GLIS1: variants seen among roughly 807,000 people sequenced by gnomAD.
GLIS1 encodes the protein zinc finger protein GLIS1.
A neutral mutation model predicts 63.8 loss-of-function variants in GLIS1; 24 were observed. The observed-to-expected ratio is 0.38, with a 90% CI of 0.27 to 0.53. GLIS1 has a LOEUF of 0.53. GLIS1 is among the 20% of genes least tolerant of loss of function. The probability of loss-of-function intolerance (pLI) is 0.85; values close to 1 mark genes in which losing one functional copy is unlikely to be tolerated. For missense variants in GLIS1, 1,036 were observed against 1,074.1 expected (o/e 0.96, Z 0.50); for synonymous variants, 450 against 482.5 (o/e 0.93, Z 0.88).
At chr1:53,673,862 A>G (rs768394485) in intron 2 of GLIS1, among the ~76,000 whole-genome samples, 4 of 152,194 alleles carry the variant, frequency 2.6e-5, no homozygotes, top group Non-Finnish European at 4.4e-5. Context: ...CTGACTCCTC[A>G]TCAGGGTTAT....
At chr1:53,528,344 C>A (rs539883769) in intron 5 of GLIS1, among the ~76,000 whole-genome samples, 1 of 152,312 alleles carries the variant, frequency 6.6e-6, no homozygotes, top group East Asian at 1.9e-4. Context: ...ATCAGCTCTT[C>A]CAGCAGAGAG....
rs1160261960 is a variant in GLIS1 at position 53,511,530 on chromosome 1, A to AG, written c.1884-1504dup. Among the ~76,000 whole-genome samples, 4 of 152,316 alleles carry AG rather than the reference A, an allele frequency of 2.6e-5. No individual in the cohort carries two copies. The highest frequency in any genetic ancestry group is 3.4e-3 in the Middle Eastern group (1 of 294). Reference sequence around the variant, plus strand: ...CTGTGAGCTCGCTGAGGACAGGGGAAGCAGGGCCTCGGTGCTGGGTCCCTG... The same window carrying AG: ...CTGTGAGCTCGCTGAGGACAGGGGAAGGCAGGGCCTCGGTGCTGGGTCCCTG... On this transcript the variant is annotated intron_variant, in intron 8 of 10. Coordinates refer to ENST00000628545, the MANE Select transcript of GLIS1 (RefSeq NM_001367484.1). This position sits in a 1 kb window ranked among gnomAD's most constrained non-coding sequence, Gnocchi z 4.2.
chr1:53,626,725 T>C (rs12565781), intron 2 of GLIS1, among the ~76,000 whole-genome samples: 4 of 152,216 alleles, frequency 2.6e-5, no homozygotes, highest in Non-Finnish European at 5.9e-5. Context: ...GCTTCAGTGA[T>C]GCCCTCAGTG....
At chr1:53,687,623 G>A (rs1200901578) in intron 2 of GLIS1, among the ~76,000 whole-genome samples, 1 of 152,140 alleles carries the variant, frequency 6.6e-6, no homozygotes, top group Non-Finnish European at 1.5e-5. Flanking sequence ...CATGCAATGG[G>A]TCCCCCCAGC....
intron 2 of GLIS1, among the ~76,000 whole-genome samples, chr1:53,645,000 C>A (rs1183791907): frequency 2.6e-5 from 4 of 152,218 alleles, no homozygotes; most frequent in Non-Finnish European, 4.4e-5. Flanking sequence ...TCACTATTAT[C>A]TCTCCTCAGT....
At chr1:53,611,075 A>G (rs370862627) in intron 2 of GLIS1, among the ~76,000 whole-genome samples, 11 of 152,104 alleles carry the variant, frequency 7.2e-5, no homozygotes, top group African/African-American at 2.4e-4. Context: ...TGAACATATT[A>G]ATGTTATGAA....
intron 2 of GLIS1, among the ~76,000 whole-genome samples, chr1:53,689,590 C>G (rs1017682622): frequency 5.3e-5 from 8 of 152,124 alleles, no homozygotes; most frequent in Non-Finnish European, 1.2e-4. Flanking sequence ...GGCAAGCGCT[C>G]AAGAGGTCTT....
At chr1:53,564,451 C>A (rs940773841) in intron 4 of GLIS1, among the ~76,000 whole-genome samples, 1 of 152,002 alleles carries the variant, frequency 6.6e-6, no homozygotes, top group Non-Finnish European at 1.5e-5. Flanking sequence ...AAGTAGAAAG[C>A]AAAATGTAAG....
chr1:53,728,888 G>A lies in GLIS1; in HGVS notation c.259+8918C>T, dbSNP rs1646831254. Among the ~76,000 whole-genome samples the A allele has an allele frequency of 2.0e-5, 3 of 152,324 alleles. No homozygotes were observed. The South Asian group carries it at 6.2e-4, about 32-fold the overall frequency. ...GGGCTCAGATTTTTCCCATTGGCCA[G>A]CTGGCTGTCAATCTACATGCCAAGT... On this transcript the variant is annotated intron_variant, in intron 2 of 10. Transcript: ENST00000628545.
chr1:53,633,356 G>A (rs938106899), intron 2 of GLIS1, among the ~76,000 whole-genome samples: 5 of 138,288 alleles, frequency 3.6e-5, no homozygotes, highest in South Asian at 2.6e-4. Flanking sequence ...AATGGCTGAG[G>A]GGCATGTGAA....
At chr1:53,734,094 G>A in intron 2 of GLIS1, 1 of 982,520 alleles carries the variant, frequency 1.0e-6, no homozygotes, top group Non-Finnish European at 1.2e-6. Flanking sequence ...AAGACTGACT[G>A]CTTTTTGGCA....
Position 53,701,998 on chromosome 1 carries a change from G to GAAAAAA in GLIS1, c.259+35802_259+35807dup, listed in dbSNP as rs919008620. Among the ~76,000 whole-genome samples, 167 of 56,270 alleles carry GAAAAAA rather than the reference G, an allele frequency of 3.0e-3. 1 individual carries two copies. Among genetic ancestry groups the GAAAAAA allele is most frequent in the Middle Eastern group, 9.1e-3 (1 of 110 alleles). The allele number at this position is 56,270 out of a possible 152,430, so 36.9% of individuals were successfully genotyped here. A position where few individuals can be genotyped will look rare whatever the true frequency, so the allele number is the denominator to read the frequency against. ...ACAGAGCAAGGCTCTACCTAAAAAA[G>GAAAAAA]AAAAAAAAAAAAAAAAAAAAAAAAG... On this transcript the variant is annotated intron_variant, in intron 2 of 10. Coordinates refer to ENST00000628545, the MANE Select transcript of GLIS1 (RefSeq NM_001367484.1).
chr1:53,618,939 C>G (rs892760733), intron 2 of GLIS1, among the ~76,000 whole-genome samples: 2 of 152,238 alleles, frequency 1.3e-5, no homozygotes, highest in Non-Finnish European at 2.9e-5. Context: ...TAGGCAGCAA[C>G]CAGACCCTAG....
intron 4 of GLIS1, among the ~76,000 whole-genome samples, chr1:53,555,213 G>A (rs1015148817): frequency 1.1e-4 from 16 of 152,222 alleles, no homozygotes; most frequent in South Asian, 2.1e-4. Flanking sequence ...GGCTCTGAAG[G>A]CTGCTGAGAG....
chr1:53,614,114 C>G (rs1476325271), intron 2 of GLIS1, among the ~76,000 whole-genome samples: 1 of 152,130 alleles, frequency 6.6e-6, no homozygotes, highest in Non-Finnish European at 1.5e-5. Flanking sequence ...TACTATATGC[C>G]AGGACCAGGC....
chr1:53,612,966 C>T (rs997757920), intron 2 of GLIS1, among the ~76,000 whole-genome samples: 1 of 152,076 alleles, frequency 6.6e-6, no homozygotes, highest in Non-Finnish European at 1.5e-5. Flanking sequence ...CTACAGGCAC[C>T]CACCACCACG....
At chr1:53,642,367 C>A (rs896192509) in intron 2 of GLIS1, among the ~76,000 whole-genome samples, 1 of 152,184 alleles carries the variant, frequency 6.6e-6, no homozygotes, top group African/African-American at 2.4e-5. Context: ...GGGTTCCCTG[C>A]ACCTATTTCA....
intron 2 of GLIS1, among the ~76,000 whole-genome samples, chr1:53,628,585 C>T (rs1287368334): frequency 6.6e-6 from 1 of 152,106 alleles, no homozygotes; most frequent in African/African-American, 2.4e-5. Flanking sequence ...ATTATTCCCA[C>T]CTAAGGGAGA....
rs780397544 is a variant in GLIS1 at position 53,526,079 on chromosome 1, C to T, written c.1483-1192G>A. On this transcript the variant is annotated intron_variant, in intron 5 of 10. Transcript: ENST00000628545. The surrounding 1 kb of genome is among the most constrained non-coding windows in gnomAD (Gnocchi z 4.4). ...CTTACAAGGCTTCCCTTTGCGGACA[C>T]GTCTAGTGCTTCCGCTCTCTTAGAA... Among the ~76,000 whole-genome samples, 7 of 152,182 alleles carry T rather than the reference C, an allele frequency of 4.6e-5. No individual in the cohort carries two copies. The highest frequency in any genetic ancestry group is 7.3e-5 in the Non-Finnish European group (5 of 68,032).
Sources: gnomAD v4.1 joint callset for allele counts (sites outside exome capture counted in the v4.1 genomes callset) on GRCh38, gnomAD v4.1.1 for gene constraint, Gnocchi (gnomAD v3.1) non-coding constraint, MANE v1.5 for transcripts, NCBI Gene and HGNC (gene_info 2026-07-23, HGNC 2026-07-21) for gene names.